Variants in PREX2 observed in about 807,000 individuals in gnomAD.
PREX2 encodes phosphatidylinositol-3,4,5-trisphosphate dependent Rac exchange factor 2, also known as phosphatidylinositol 3,4,5-trisphosphate-dependent Rac exchanger 2 protein.
A neutral mutation model predicts 203.2 loss-of-function variants in PREX2; 107 were observed. That is an observed-to-expected ratio of 0.53 (90% CI 0.45 to 0.62). The LOEUF (loss-of-function observed/expected upper bound fraction) is 0.62, where lower values mean the gene tolerates loss of function less well. PREX2 is among the 20% of genes least tolerant of loss of function. PREX2 has a pLI of 0.00. For synonymous variants in PREX2, 672 were observed against 663.6 expected (o/e 1.01, Z -0.19); for missense variants, 1,777 against 1,955.9 (o/e 0.91, Z 1.72).
intron 35 of PREX2, among the ~76,000 whole-genome samples, chr8:68,181,255 G>A (rs376779253): frequency 9.2e-4 from 140 of 152,162 alleles, no homozygotes; most frequent in African/African-American, 3.0e-3. Flanking sequence ...GGTATCAAAA[G>A]GAAGCTTCAA....
chr8:68,075,694 C>T (rs1809328964), intron 14 of PREX2, among the ~76,000 whole-genome samples: 1 of 152,020 alleles, frequency 6.6e-6, no homozygotes, highest in Non-Finnish European at 1.5e-5. Context: ...TCACTTGGCA[C>T]AATATGTAGA....
At chr8:68,008,943 A>G (rs1807182593) in intron 1 of PREX2, among the ~76,000 whole-genome samples, 1 of 152,240 alleles carries the variant, frequency 6.6e-6, no homozygotes, top group Admixed American at 6.5e-5. Flanking sequence ...TCTTTATAGC[A>G]GTATGAAAAC....
intron 33 of PREX2, among the ~76,000 whole-genome samples, chr8:68,144,239 A>G (rs918660252): frequency 2.6e-5 from 4 of 152,022 alleles, no homozygotes; most frequent in Non-Finnish European, 5.9e-5. Flanking sequence ...ACCTGTTGGG[A>G]TTTTACTTGG....
chr8:68,158,289 C>T (rs1036803717), intron 35 of PREX2, among the ~76,000 whole-genome samples: 2 of 151,592 alleles, frequency 1.3e-5, no homozygotes, highest in African/African-American at 4.8e-5. Context: ...TATCTTGAGC[C>T]TTAATAAATC....
intron 1 of PREX2, among the ~76,000 whole-genome samples, chr8:67,973,233 A>C (rs147568909): frequency 6.6e-5 from 10 of 152,286 alleles, no homozygotes; most frequent in African/African-American, 2.2e-4. Flanking sequence ...TAATCTTCCT[A>C]AAAGAATGTT....
intron 26 of PREX2, 38 bp from the exon 27 acceptor site, chr8:68,118,512 A>T (rs1810704708): frequency 7.3e-7 from 1 of 1,377,106 alleles, no homozygotes; most frequent in African/African-American, 1.4e-5. Flanking sequence ...ACCTGGGCAG[A>T]TGCACTCTTA....
chr8:68,105,212 T>G (rs998815657), intron 23 of PREX2: 1 of 1,367,784 alleles, frequency 7.3e-7, no homozygotes. Flanking sequence ...ATCTTCACAG[T>G]GTAAGCAGCA....
intron 37 of PREX2, among the ~76,000 whole-genome samples, chr8:68,194,561 G>C (rs1812358276): frequency 6.6e-6 from 1 of 151,838 alleles, no homozygotes; most frequent in Admixed American, 6.6e-5. Context: ...GCTCAGGTGG[G>C]TGGATCACTT....
intron 1 of PREX2, among the ~76,000 whole-genome samples, chr8:67,956,780 C>T (rs1345794186): frequency 6.6e-6 from 1 of 152,216 alleles, no homozygotes; most frequent in Admixed American, 6.5e-5. Context: ...GAATGCATGG[C>T]TAGTCCACAT....
intron 37 of PREX2, among the ~76,000 whole-genome samples, chr8:68,204,437 A>C (rs1284609979): frequency 1.3e-5 from 2 of 152,166 alleles, no homozygotes; most frequent in Non-Finnish European, 2.9e-5. Flanking sequence ...CATTATCTTT[A>C]ATGAGAATTT....
intron 23 of PREX2, among the ~76,000 whole-genome samples, chr8:68,100,961 T>A (rs1563545741): frequency 6.6e-6 from 1 of 152,058 alleles, no homozygotes. Context: ...ATTAGATGAA[T>A]TTGGGGACGT....
intron 23 of PREX2, chr8:68,102,752 A>C (rs1188897489): frequency 4.2e-6 from 2 of 473,980 alleles, no homozygotes; most frequent in African/African-American, 4.0e-5. Context: ...AATAGAAACC[A>C]GTTGATTGCT....
chr8:68,161,101 T>A (rs1209520866), intron 35 of PREX2, among the ~76,000 whole-genome samples: 2 of 151,980 alleles, frequency 1.3e-5, no homozygotes, highest in Non-Finnish European at 2.9e-5. Context: ...TTCTTTCTTT[T>A]TTTTTGGGGG....
chr8:67,967,295 C>T lies in PREX2; in HGVS notation c.141+14760C>T, dbSNP rs60716621. ...TAGAAAAAGCATGGTGACACTAAGA[C>T]TTAAGGCTTTAACTAGTGTCATTCT... On this transcript the variant is annotated intron_variant, in intron 1 of 39. Transcript: ENST00000288368. Among the ~76,000 whole-genome samples, 1,381 of 152,232 alleles carry T rather than the reference C, an allele frequency of 9.1e-3. 29 individuals are homozygous for T. Among genetic ancestry groups the T allele is most frequent in the African/African-American group, 0.031 (1,284 of 41,544 alleles).
At chr8:68,144,636 G>A (rs543003864) in intron 33 of PREX2, among the ~76,000 whole-genome samples, 17 of 151,884 alleles carry the variant, frequency 1.1e-4, no homozygotes, top group African/African-American at 4.1e-4. Context: ...CTCTTGTCTT[G>A]TTTTATTGCA....
At chr8:68,005,316 C>T (rs919146997) in intron 1 of PREX2, among the ~76,000 whole-genome samples, 4 of 152,214 alleles carry the variant, frequency 2.6e-5, no homozygotes, top group Non-Finnish European at 5.9e-5. Flanking sequence ...ACCCACAGCA[C>T]CATCGTCTTT....
chr8:68,176,529 C>T (rs115597362), intron 35 of PREX2, among the ~76,000 whole-genome samples: 1,607 of 152,144 alleles, frequency 0.011, 39 homozygotes, highest in African/African-American at 0.037. Flanking sequence ...TAAGAAATTG[C>T]CCCCAACAGG....
At chr8:68,005,582 C>T (rs1807070903) in intron 1 of PREX2, among the ~76,000 whole-genome samples, 1 of 152,170 alleles carries the variant, frequency 6.6e-6, no homozygotes, top group Non-Finnish European at 1.5e-5. Flanking sequence ...CGTACATACC[C>T]CTCTTTCACT....
At chr8:68,052,997 A>G in intron 8 of PREX2, 100 bp from the exon 9 acceptor site, 2 of 1,019,724 alleles carry the variant, frequency 2.0e-6, no homozygotes, top group South Asian at 3.4e-5. Context: ...ATGTTGAACA[A>G]TTCAGTGGTT....
Sources: gnomAD v4.1 joint callset for allele counts (sites outside exome capture counted in the v4.1 genomes callset) on GRCh38, gnomAD v4.1.1 for gene constraint, MANE v1.5 for transcripts, NCBI Gene and HGNC (gene_info 2026-07-23, HGNC 2026-07-21) for gene names.